The following DNAJC25 variants were observed in gnomAD, a reference collection of about 807,000 sequenced individuals.
DNAJC25 encodes the protein DnaJ heat shock protein family (Hsp40) member C25.
In DNAJC25, 26 loss-of-function variants were observed where a neutral mutation model predicts 42.1. That is an observed-to-expected ratio of 0.62 (90% CI 0.45 to 0.86). The LOEUF (loss-of-function observed/expected upper bound fraction) is 0.86. DNAJC25 is among the 40% of genes least tolerant of loss of function. The pLI is 0.00. For synonymous variants in DNAJC25, 189 were observed against 179.9 expected, an observed-to-expected ratio of 1.05 and a Z score of -0.40; for missense variants, 404 against 459.4, an observed-to-expected ratio of 0.88 and a Z score of 1.10.
chr9:111,646,189 G>A (rs1830566082), intron 1 of DNAJC25, among the ~76,000 whole-genome samples: 1 of 152,162 alleles, frequency 6.6e-6, no homozygotes. Flanking sequence ...GGGCAAGTTG[G>A]AAAATGTAAT....
At chr9:111,638,113 GTCTTA>G (rs1830390634) in intron 1 of DNAJC25, among the ~76,000 whole-genome samples, 1 of 152,150 alleles carries the variant, frequency 6.6e-6, no homozygotes, top group African/African-American at 2.4e-5. Context: ...TCTGAAATCA[GTCTTA>G]TCTTTGTGAA....
chr9:111,650,565 CATT>C (rs1319095769), intron 3 of DNAJC25, among the ~76,000 whole-genome samples: 1 of 152,188 alleles, frequency 6.6e-6, no homozygotes, highest in Non-Finnish European at 1.5e-5. Flanking sequence ...TTAGCAGTCT[CATT>C]ATCATAATGA....
intron 1 of DNAJC25, among the ~76,000 whole-genome samples, chr9:111,641,001 G>C (rs903425236): frequency 2.9e-5 from 3 of 104,176 alleles, no homozygotes; most frequent in Non-Finnish European, 5.5e-5. Context: ...GAGGGAGGTG[G>C]GGGGGTCAGC....
rs1056728572 is a variant in DNAJC25 at position 111,631,734 on chromosome 9, G to A, written c.327G>A (p.Glu109=). The change falls in exon 1 of 4, where the codon GAG becomes GAA. Residue 109 remains glutamate, a synonymous_variant. Coordinates refer to ENST00000313525, the MANE Select transcript of DNAJC25 (RefSeq NM_001015882.3). ...EAFLLVATAY[E]TLKDEETRKD... is the part of the protein sequence containing the mutation. ...TCCTGCTGGTGGCAACCGCCTACGA[G>A]ACACTCAAGGTGAGGCCTGCGGGCG... The A allele has an allele frequency of 2.0e-6, 3 of 1,518,784 alleles. No individual in the cohort carries two copies. The highest frequency in any genetic ancestry group is 2.6e-6 in the Non-Finnish European group (3 of 1,139,236). 94.1% of individuals were successfully genotyped at this position (1,518,784 alleles called of 1,614,324 possible). A position where few individuals can be genotyped will look rare whatever the true frequency, so the allele number is the denominator to read the frequency against.
chr9:111,641,770 C>T (rs1463365938), intron 1 of DNAJC25, among the ~76,000 whole-genome samples: 37 of 133,576 alleles, frequency 2.8e-4, no homozygotes, highest in Non-Finnish European at 3.7e-4. Context: ...TGAGGAGCCC[C>T]TCTGCCCGGC....
chr9:111,646,324 T>A (rs1044188741), intron 1 of DNAJC25, among the ~76,000 whole-genome samples: 1 of 152,244 alleles, frequency 6.6e-6, no homozygotes, highest in Non-Finnish European at 1.5e-5. Flanking sequence ...TATATTTTTT[T>A]AAATGTTTTA....
intron 2 of DNAJC25, among the ~76,000 whole-genome samples, chr9:111,648,500 G>A (rs141473024): frequency 9.3e-4 from 141 of 151,994 alleles, no homozygotes; most frequent in Non-Finnish European, 1.6e-3. Flanking sequence ...GAGCTCCTGG[G>A]CTCAAGCAAT....
chr9:111,632,502 A>G (rs1400237360), intron 1 of DNAJC25, among the ~76,000 whole-genome samples: 2 of 152,142 alleles, frequency 1.3e-5, no homozygotes, highest in East Asian at 3.8e-4. Flanking sequence ...TTCATTTGAC[A>G]GGTTTTATTG....
Position 111,649,984 on chromosome 9 carries a change from TA to T in DNAJC25, c.960+62del, listed in dbSNP as rs1830631813. ...CACCTGACCAAGTTAAAATCAGGTG[TA>T]TTATAATGAGGGATCACAGAAGTGT... On this transcript the variant is annotated intron_variant, in intron 3 of 3. Coordinates refer to ENST00000313525, the MANE Select transcript of DNAJC25 (RefSeq NM_001015882.3). The T allele has an allele frequency of 1.3e-5, 18 of 1,409,146 alleles. No individual in the cohort carries two copies. The East Asian group carries it at 4.3e-4, about 34-fold the overall frequency. The allele number at this position is 1,409,146 out of a possible 1,614,324, so 87.3% of individuals were successfully genotyped here. A position where few individuals can be genotyped will look rare whatever the true frequency, so the allele number is the denominator to read the frequency against.
intron 1 of DNAJC25, among the ~76,000 whole-genome samples, chr9:111,637,570 T>G (rs1173460883): frequency 1.3e-5 from 2 of 152,252 alleles, no homozygotes; most frequent in Non-Finnish European, 2.9e-5. Flanking sequence ...TTGCTTCCTT[T>G]AAAACTACAC....
intron 1 of DNAJC25, among the ~76,000 whole-genome samples, chr9:111,636,512 G>T (rs764510695): frequency 3.3e-5 from 5 of 151,988 alleles, no homozygotes; most frequent in African/African-American, 7.2e-5. Context: ...TTGAGACAGG[G>T]TCTCACTGTG....
intron 1 of DNAJC25, among the ~76,000 whole-genome samples, chr9:111,641,812 G>A (rs1830475637): frequency 2.4e-5 from 3 of 125,100 alleles, no homozygotes; most frequent in East Asian, 3.0e-4. Flanking sequence ...AGGTGGGGGG[G>A]GTCAGCCCCC....
chr9:111,647,725 C>T (rs941882328), intron 2 of DNAJC25, among the ~76,000 whole-genome samples: 2 of 152,244 alleles, frequency 1.3e-5, no homozygotes, highest in Non-Finnish European at 2.9e-5. Context: ...TTTAAGGGTG[C>T]TTCTGCTCAG....
chr9:111,650,801 C>G (rs943712450), intron 3 of DNAJC25, among the ~76,000 whole-genome samples: 1 of 152,108 alleles, frequency 6.6e-6, no homozygotes, highest in Non-Finnish European at 1.5e-5. Context: ...CAGCCAAAAC[C>G]TGCTTAAGAA....
rs544108924 is a variant in DNAJC25 at position 111,644,363 on chromosome 9, A to G, written c.337-2744A>G. Among the ~76,000 whole-genome samples, 14 of 152,312 alleles carry G rather than the reference A, an allele frequency of 9.2e-5. No individual in the cohort carries two copies. The East Asian group carries it at 2.5e-3, about 27-fold the overall frequency. On this transcript the variant is annotated intron_variant, in intron 1 of 3. Transcript: ENST00000313525. ...TGGAGCATTAGTTGACCATTGTGTT[A>G]AAGGAATTCAGGACTTGGTAAAGTC...
Position 111,631,350 on chromosome 9 carries a change from G to A in DNAJC25, c.-58G>A. 8.0e-7 allele frequency: 1 copy of A among 1,253,376 alleles called. No homozygotes were observed. The highest frequency in any genetic ancestry group is 1.0e-6 in the Non-Finnish European group (1 of 1,002,338). The allele number at this position is 1,253,376 out of a possible 1,614,324, so 77.6% of individuals were successfully genotyped here. A position where few individuals can be genotyped will look rare whatever the true frequency, so the allele number is the denominator to read the frequency against. The stretch of plus-strand genomic sequence containing the variant: ...GCTGGGGCCAGACGGGACTAGCCGG[G>A]CGCGCGGCTGAGTGCTGCAGAATCG... On this transcript the variant is annotated 5_prime_UTR_variant, in exon 1 of 4. Transcript: ENST00000313525.
intron 1 of DNAJC25, among the ~76,000 whole-genome samples, chr9:111,646,601 T>A (rs1830571348): frequency 6.6e-6 from 1 of 152,238 alleles, no homozygotes; most frequent in African/African-American, 2.4e-5. Flanking sequence ...AAAGCTAGAC[T>A]TTGACCGTTG....
At position 111,649,875 on chromosome 9, in the gene DNAJC25, G is replaced by C; in HGVS notation, c.912G>C (p.Gln304His). Residue 304 changes from glutamine to histidine, a missense_variant, in exon 3 of 4, where the codon CAG becomes CAC. Physicochemically the swap from Gln to His is conservative, Grantham distance 24. Transcript: ENST00000313525. The part of the protein sequence containing the change: ...KSQFDSLEDH[Q>H]KETFLKRELW... ...AATTTGATAGTCTAGAAGATCATCA[G>C]AAAGAAACTTTTCTTAAACGAGAGC... is the stretch of plus-strand genomic sequence containing the variant. The C allele has an allele frequency of 6.3e-7, 1 of 1,599,722 alleles. No individual in the cohort carries two copies.
intron 3 of DNAJC25, among the ~76,000 whole-genome samples, chr9:111,652,387 A>G (rs10980993): frequency 0.13 from 19,574 of 150,150 alleles, 1,843 homozygotes; most frequent in East Asian, 0.42. Flanking sequence ...GCGTGGTGGC[A>G]TGCTCCTGTA....
Sources: allele counts gnomAD v4.1 joint callset (sites outside exome capture counted in the v4.1 genomes callset), GRCh38; gene constraint gnomAD v4.1.1; transcripts MANE v1.5; gene names NCBI Gene and HGNC (gene_info 2026-07-23, HGNC 2026-07-21).